The following SEC14L3 variants were observed in gnomAD, a reference collection of about 807,000 sequenced individuals.
SEC14L3 encodes the protein SEC14-like protein 3.
In SEC14L3, 56 loss-of-function variants were observed where a neutral mutation model predicts 57.4. The observed-to-expected ratio is 0.97, with a 90% CI of 0.79 to 1.22. The LOEUF (loss-of-function observed/expected upper bound fraction) is 1.22. SEC14L3 is among the 50% of genes most tolerant of loss of function. SEC14L3 has a pLI of 0.00. For synonymous variants in SEC14L3, 173 were observed against 194.4 expected (o/e 0.89, Z 0.92); for missense variants, 485 against 511.7 (o/e 0.95, Z 0.50).
intron 12 of SEC14L3, among the ~76,000 whole-genome samples, chr22:30,451,389 G>A (rs1847948493): frequency 6.6e-6 from 1 of 152,082 alleles, no homozygotes; most frequent in African/African-American, 2.4e-5. Flanking sequence ...ACAAGTGGCA[G>A]GTCCGATGAC....
intron 12 of SEC14L3, among the ~76,000 whole-genome samples, chr22:30,454,114 C>T (rs1008758359): frequency 5.3e-5 from 8 of 152,104 alleles, no homozygotes; most frequent in Non-Finnish European, 8.8e-5. Context: ...CAACCTGCCC[C>T]GCACCTCTGG....
intron 1 of SEC14L3, 54 bp downstream of exon 1, chr22:30,471,850 AC>A (rs1935621992): frequency 6.2e-7 from 1 of 1,611,046 alleles, no homozygotes; most frequent in East Asian, 2.2e-5. Context: ...ACTTCTTTCC[AC>A]CCCCCAGCCC....
At chr22:30,469,045 T>G (rs1264512200) in intron 4 of SEC14L3, 1 of 1,145,718 alleles carries the variant, frequency 8.7e-7, no homozygotes, top group Non-Finnish European at 1.2e-6. Flanking sequence ...TGGCTGGGCA[T>G]GGAGGCTCAT....
chr22:30,459,014 A>G (rs1337391124), downstream of SEC14L3, among the ~76,000 whole-genome samples: 1 of 152,076 alleles, frequency 6.6e-6, no homozygotes, highest in East Asian at 1.9e-4. Flanking sequence ...GTCTCAAAAA[A>G]CAAACAAACA....
intron 7 of SEC14L3, among the ~76,000 whole-genome samples, 200 bp downstream of exon 7, chr22:30,466,134 T>G (rs1935409339): frequency 6.6e-6 from 1 of 152,208 alleles, no homozygotes; most frequent in South Asian, 2.1e-4. Flanking sequence ...GGACTGGAGC[T>G]GCCTTCTCTT....
chr22:30,453,723 T>C (rs1935030758), intron 12 of SEC14L3, among the ~76,000 whole-genome samples: 1 of 152,198 alleles, frequency 6.6e-6, no homozygotes, highest in Non-Finnish European at 1.5e-5. Flanking sequence ...CAGCCTGCTT[T>C]TAGCAGCTGA....
At chr22:30,463,006 A>C (rs1233624373) in intron 8 of SEC14L3, among the ~76,000 whole-genome samples, 1 of 152,136 alleles carries the variant, frequency 6.6e-6, no homozygotes, top group Non-Finnish European at 1.5e-5. Flanking sequence ...AAGTGCTGGG[A>C]TTACAGGCAT....
intron 12 of SEC14L3, among the ~76,000 whole-genome samples, chr22:30,449,534 G>C (rs1934939137): frequency 6.7e-6 from 1 of 149,068 alleles, no homozygotes; most frequent in Non-Finnish European, 1.5e-5. Flanking sequence ...GTTCCAGTCT[G>C]TCCGTTCTTT....
Position 30,468,620 on chromosome 22 carries a change from C to T in SEC14L3, c.311G>A (p.Gly104Glu), listed in dbSNP as rs746819309. 48 of 1,613,724 alleles carry T rather than the reference C, an allele frequency of 3.0e-5. 1 individual carries two copies. In the East Asian group the frequency reaches 1.1e-3, roughly 36 times the overall value. The change falls in exon 5 of 12, where the codon GGG (glycine) becomes GAG (glutamate). Residue 104 changes from glycine to glutamate, a missense_variant. Coordinates refer to ENST00000215812, the MANE Select transcript of SEC14L3 (RefSeq NM_174975.5). ...GAGCAACCCCTTGGGATCAAGTGGCCCAATGATGTCATACCACACGGGGCA... is the reference window on the plus strand; with the variant it reads ...GAGCAACCCCTTGGGATCAAGTGGCTCAATGATGTCATACCACACGGGGCA... ...DGCPVWYDII[G>E]PLDPKGLLFS... is the part of the protein sequence containing the mutation.
Position 30,459,930 on chromosome 22 carries a change from G to T in SEC14L3, c.*91C>A. 1 of 1,534,274 alleles carries T rather than the reference G, an allele frequency of 6.5e-7. No homozygotes were observed. Among genetic ancestry groups the T allele is most frequent in the Non-Finnish European group, 8.8e-7 (1 of 1,136,776 alleles). ...CTCACTAACGTCACAGAGTCAGGAG[G>T]ACTAACAATCAATTTCAGGGAGGGA... On this transcript the variant is annotated 3_prime_UTR_variant, in exon 12 of 12. Coordinates refer to ENST00000215812, the MANE Select transcript of SEC14L3 (RefSeq NM_174975.5).
rs1325912170 is a variant in SEC14L3, at chr22:30,461,431, C to T, written c.960G>A (p.Leu320=). ...GCTGTCGCTCCCCCATCTTGGTCTTCAGGAAAACTCCGAAGCCGATGTCCG... is the reference window on the plus strand; with the variant it reads ...GCTGTCGCTCCCCCATCTTGGTCTTTAGGAAAACTCCGAAGCCGATGTCCG... The part of the protein sequence containing the change: ...DGADIGFGVF[L]KTKMGERQRA... Residue 320 remains leucine, a synonymous_variant, in exon 11 of 12, where the codon CTG becomes CTA. Coordinates refer to ENST00000215812, the MANE Select transcript of SEC14L3 (RefSeq NM_174975.5). 2 of 1,614,028 alleles carry T rather than the reference C, an allele frequency of 1.2e-6. No homozygotes were observed.
chr22:30,470,727 A>G, intron 1 of SEC14L3, 145 bp from the exon 2 acceptor site: 1 of 1,483,588 alleles, frequency 6.7e-7, no homozygotes, highest in Non-Finnish European at 9.0e-7. Flanking sequence ...GTTGAATAGA[A>G]GGGCAGATGG....
rs557756271 is a variant in SEC14L3, at chr22:30,461,362, G to A, written c.1029C>T (p.Asn343=). ...MTDVLPSQRY[N]AHMVPEDGNL... ...TCCCATCCTCGGGCACCATGTGGGC[G>A]TTATAGCGCTGGCTGGGTAGAACAT... Residue 343 remains asparagine, a synonymous_variant, in exon 11 of 12, where the codon AAC becomes AAT. Coordinates refer to ENST00000215812, the MANE Select transcript of SEC14L3 (RefSeq NM_174975.5). The A allele has an allele frequency of 5.7e-5, 92 of 1,613,408 alleles. No individual in the cohort carries two copies. In the Middle Eastern group the frequency reaches 6.6e-4, roughly 12 times the overall value.
At chr22:30,462,390 G>T in intron 8 of SEC14L3, 198 bp from the exon 9 acceptor site, 1 of 380,240 alleles carries the variant, frequency 2.6e-6, no homozygotes, top group Non-Finnish European at 3.6e-6. Context: ...TGTGTTTCCC[G>T]CCTTGATAGA....
chr22:30,461,908 T>C (rs930366526), intron 9 of SEC14L3, 178 bp downstream of exon 9: 11 of 484,718 alleles, frequency 2.3e-5, no homozygotes, highest in Non-Finnish European at 3.0e-5. Context: ...AAAATTCGCC[T>C]ATTTCTTGTT....
At chr22:30,466,241 T>C in intron 7 of SEC14L3, 93 bp downstream of exon 7, 1 of 1,262,370 alleles carries the variant, frequency 7.9e-7, no homozygotes, top group Non-Finnish European at 1.1e-6. Flanking sequence ...CCAACCTGCC[T>C]CACAACAATC....
chr22:30,451,991 CAA>C (rs34799395), intron 12 of SEC14L3, among the ~76,000 whole-genome samples: 69 of 33,824 alleles, frequency 2.0e-3, no homozygotes, highest in African/African-American at 0.01. Flanking sequence ...GACTCCATCT[CAA>C]AAAAAAAAAA....
At position 30,460,121 on chromosome 22, in the gene SEC14L3, G is replaced by A. The variant is rs370746940; in HGVS notation, c.1103C>T (p.Thr368Ile). The A allele has an allele frequency of 1.9e-6, 3 of 1,614,142 alleles. No homozygotes were observed. Among genetic ancestry groups the A allele is most frequent in the Non-Finnish European group, 1.7e-6 (2 of 1,179,996 alleles). Residue 368 changes from threonine to isoleucine, a missense_variant, in exon 12 of 12, where the codon ACC becomes ATC. Coordinates refer to ENST00000215812, the MANE Select transcript of SEC14L3 (RefSeq NM_174975.5). ...AGVYVLRFDN[T>I]YSFVHAKKVS... ...CTTCTTGGCGTGGACAAAGCTATAG[G>A]TGTTGTCGAAGCGTAGGACATCTGG...
At chr22:30,454,208 A>C (rs1401108978) in intron 12 of SEC14L3, among the ~76,000 whole-genome samples, 3 of 151,834 alleles carry the variant, frequency 2.0e-5, no homozygotes, top group Non-Finnish European at 4.4e-5. Context: ...ACTGGCCTTC[A>C]CTGGTGTCAC....
Sources: allele counts gnomAD v4.1 joint callset (sites outside exome capture counted in the v4.1 genomes callset), GRCh38; gene constraint gnomAD v4.1.1; transcripts MANE v1.5; gene names NCBI Gene and HGNC (gene_info 2026-07-23, HGNC 2026-07-21).